WDR72: variants seen among roughly 807,000 people sequenced by gnomAD.
WDR72 encodes WD repeat-containing protein 72.
WDR72 carries 120 observed loss-of-function variants against 124.2 expected under a neutral mutation model. The ratio of observed to expected loss-of-function variants is 0.97; its 90% CI spans 0.83 to 1.12. The LOEUF (loss-of-function observed/expected upper bound fraction) is 1.12, where lower values mean the gene tolerates loss of function less well. WDR72 is among the 50% of genes most tolerant of loss of function. The pLI is 0.00. For synonymous variants in WDR72, 452 were observed against 441.7 expected, an observed-to-expected ratio of 1.02 and a Z score of -0.29; for missense variants, 1,387 against 1,278.8, an observed-to-expected ratio of 1.08 and a Z score of -1.29.
chr15:53,649,993 C>T (rs913342198), intron 14 of WDR72, among the ~76,000 whole-genome samples: 13 of 152,208 alleles, frequency 8.5e-5, no homozygotes, highest in Admixed American at 5.2e-4. Context: ...ATTAGCATGT[C>T]TATGTTTATT....
chr15:53,566,903 A>G (rs963049644), intron 18 of WDR72, among the ~76,000 whole-genome samples: 7 of 151,974 alleles, frequency 4.6e-5, no homozygotes, highest in Non-Finnish European at 8.8e-5. Context: ...ACTGTCTTGC[A>G]CAGGTGATAG....
intron 13 of WDR72, among the ~76,000 whole-genome samples, chr15:53,676,285 T>C (rs927224501): frequency 1.3e-5 from 2 of 152,214 alleles, no homozygotes; most frequent in Non-Finnish European, 2.9e-5. Flanking sequence ...TATGATAGGA[T>C]GGCCCTCCAG....
chr15:53,518,229 C>G (rs1396882185), intron 19 of WDR72, among the ~76,000 whole-genome samples: 1 of 151,996 alleles, frequency 6.6e-6, no homozygotes, highest in Non-Finnish European at 1.5e-5. Context: ...TCTCAGATTA[C>G]TTGGATGATT....
At chr15:53,630,638 G>A (rs775433729) in intron 14 of WDR72, among the ~76,000 whole-genome samples, 2 of 151,980 alleles carry the variant, frequency 1.3e-5, no homozygotes, top group Non-Finnish European at 1.5e-5. Context: ...TGCACAAAAA[G>A]CATTTGAAAA....
Position 53,582,236 on chromosome 15 carries a change from A to G in WDR72, c.3148+14843T>C, listed in dbSNP as rs765903320. Among the ~76,000 whole-genome samples the G allele has an allele frequency of 5.5e-4, 83 of 152,130 alleles. 1 individual carries two copies. The highest frequency in any genetic ancestry group is 1.1e-3 in the Non-Finnish European group (77 of 67,956). On this transcript the variant is annotated intron_variant, in intron 18 of 19. Transcript: ENST00000360509. Reference sequence around the variant, plus strand: ...TTTTACATACAGATTCCAGAAAGAGACAACTCGGCTAAGTAAAGTTATTTT... The same window carrying G: ...TTTTACATACAGATTCCAGAAAGAGGCAACTCGGCTAAGTAAAGTTATTTT...
At chr15:53,543,483 G>A (rs886497787) in intron 18 of WDR72, among the ~76,000 whole-genome samples, 19 of 151,488 alleles carry the variant, frequency 1.3e-4, no homozygotes, top group African/African-American at 3.4e-4. Context: ...TCTCTGGGAC[G>A]CATTCAAAGC....
At chr15:53,716,429 T>G (rs1338399086) in intron 4 of WDR72, among the ~76,000 whole-genome samples, 178 bp downstream of exon 4, 1 of 152,208 alleles carries the variant, frequency 6.6e-6, no homozygotes, top group Non-Finnish European at 1.5e-5. Context: ...AATAATACTT[T>G]TTGGGAAAGC....
At chr15:53,653,435 A>G (rs2015309726) in intron 14 of WDR72, among the ~76,000 whole-genome samples, 1 of 152,218 alleles carries the variant, frequency 6.6e-6, no homozygotes, top group Non-Finnish European at 1.5e-5. Context: ...GTAAACTGAC[A>G]TCGAAGTTAG....
In WDR72 at chr15:53,714,426, A is replaced by C; in HGVS notation, c.591+8T>G. 6.2e-7 allele frequency: 1 copy of C among 1,612,954 alleles called. No individual in the cohort carries two copies. Among genetic ancestry groups the C allele is most frequent in the Non-Finnish European group, 8.5e-7 (1 of 1,178,974 alleles). ...GTAAGGAAAAAAGAGTAGGGTTCCC[A>C]AGCCAACCTGAATGCTGTTGATAGA... On this transcript the variant is annotated splice_region_variant and intron_variant, in intron 6 of 19. Coordinates refer to ENST00000360509, the MANE Select transcript of WDR72 (RefSeq NM_182758.4).
At chr15:53,691,879 T>G (rs2016857495) in intron 13 of WDR72, among the ~76,000 whole-genome samples, 1 of 152,338 alleles carries the variant, frequency 6.6e-6, no homozygotes, top group East Asian at 1.9e-4. Context: ...TTTGACAGAT[T>G]AAAGGTGAAT....
intron 18 of WDR72, among the ~76,000 whole-genome samples, chr15:53,524,102 T>G (rs1891971425): frequency 2.0e-5 from 3 of 152,050 alleles, no homozygotes; most frequent in Admixed American, 6.6e-5. Context: ...CCATATTACA[T>G]TTGTTCTAGA....
At chr15:53,540,206 G>A (rs1893004876) in intron 18 of WDR72, among the ~76,000 whole-genome samples, 1 of 152,108 alleles carries the variant, frequency 6.6e-6, no homozygotes, top group Admixed American at 6.5e-5. Context: ...CACATAATGG[G>A]GACGAAATAT....
chr15:53,712,480 C>T (rs1019236269), intron 7 of WDR72, among the ~76,000 whole-genome samples: 1 of 151,756 alleles, frequency 6.6e-6, no homozygotes, highest in African/African-American at 2.4e-5. Flanking sequence ...CCTATAATCC[C>T]AGCTACTAGG....
At chr15:53,546,646 C>G (rs1401567379) in intron 18 of WDR72, among the ~76,000 whole-genome samples, 1 of 151,902 alleles carries the variant, frequency 6.6e-6, no homozygotes, top group Non-Finnish European at 1.5e-5. Flanking sequence ...CACACATACC[C>G]TAAAACATAA....
At chr15:53,680,525 A>G (rs1352143619) in intron 13 of WDR72, among the ~76,000 whole-genome samples, 3 of 152,312 alleles carry the variant, frequency 2.0e-5, no homozygotes, top group East Asian at 1.9e-4. Context: ...TGATACTTCC[A>G]GAAGTAAGAA....
At chr15:53,573,927 A>G (rs1309882732) in intron 18 of WDR72, among the ~76,000 whole-genome samples, 1 of 152,174 alleles carries the variant, frequency 6.6e-6, no homozygotes, top group Non-Finnish European at 1.5e-5. Context: ...ATTGATTCAC[A>G]TATCTCAGGA....
intron 3 of WDR72, among the ~76,000 whole-genome samples, chr15:53,722,035 T>C (rs1413650513): frequency 2.3e-5 from 2 of 86,374 alleles, no homozygotes; most frequent in East Asian, 2.2e-4. Flanking sequence ...TTTATTTTTA[T>C]TTTTTATTTT....
intron 1 of WDR72, 123 bp downstream of exon 1, chr15:53,759,510 C>G (rs971087556): frequency 1.3e-5 from 2 of 152,308 alleles, no homozygotes; most frequent in Admixed American, 6.5e-5. Flanking sequence ...AAGCGCGGGC[C>G]GTCCCCTCCT....
intron 18 of WDR72, among the ~76,000 whole-genome samples, chr15:53,567,360 G>A (rs2140300736): frequency 6.6e-6 from 1 of 152,060 alleles, no homozygotes; most frequent in South Asian, 2.1e-4. Context: ...GGCACTGTCA[G>A]TCAATTGATG....
Sources: allele counts gnomAD v4.1 joint callset (sites outside exome capture counted in the v4.1 genomes callset), GRCh38; gene constraint gnomAD v4.1.1; transcripts MANE v1.5; gene names NCBI Gene and HGNC (gene_info 2026-07-23, HGNC 2026-07-21).